Variants in NAV1 observed in about 807,000 individuals in gnomAD.
The protein encoded by NAV1 is neuron navigator 1.
In NAV1, 18 loss-of-function variants were observed where a neutral mutation model predicts 175.2. That is an observed-to-expected ratio of 0.10 (90% CI 0.07 to 0.15). The LOEUF (loss-of-function observed/expected upper bound fraction) is 0.15, where lower values mean the gene tolerates loss of function less well. NAV1 is among the 10% of genes least tolerant of loss of function. The pLI, the probability that NAV1 is intolerant of heterozygous loss-of-function variation, is 1.00. For missense variants in NAV1, 1,731 were observed against 2,436.6 expected (o/e 0.71, Z 6.10); for synonymous variants, 897 against 978.7 (o/e 0.92, Z 1.56).
At position 201,557,567 on chromosome 1, in the gene NAV1, C is replaced by A. The variant is rs546625343; in HGVS notation, c.-144+18225C>A. Among the ~76,000 whole-genome samples the A allele has an allele frequency of 2.6e-5, 4 of 152,294 alleles. No homozygotes were observed. In the South Asian group the frequency reaches 8.3e-4, roughly 32 times the overall value. On this transcript the variant is annotated intron_variant, in intron 1 of 33. Coordinates refer to the NAV1 transcript ENST00000685211. ...CAGCCTCCCCAAAACACTTAACTAC[C>A]ACCTCCAAATTAGCACCGTCCTTGG...
intron 1 of NAV1, among the ~76,000 whole-genome samples, chr1:201,684,468 A>G (rs922969288): frequency 7.9e-6 from 1 of 126,776 alleles, no homozygotes; most frequent in Admixed American, 9.8e-5. Flanking sequence ...TTCTTCCTTT[A>G]TGCAGCCTTT....
At chr1:201,623,590 G>A (rs1393418422) in exon 1 of NAV1, 10 of 986,610 alleles carry the variant, frequency 1.0e-5, no homozygotes, top group African/African-American at 3.5e-5. Flanking sequence ...AGCCACGGTG[G>A]CCCCCTTCCA....
intron 2 of NAV1, among the ~76,000 whole-genome samples, chr1:201,630,932 C>T (rs561939756): frequency 6.6e-6 from 1 of 152,294 alleles, no homozygotes; most frequent in African/African-American, 2.4e-5. Context: ...GATTATTATC[C>T]GATGAGTTGA....
intron 1 of NAV1, among the ~76,000 whole-genome samples, chr1:201,571,634 C>T (rs936631256): frequency 2.0e-5 from 3 of 152,226 alleles, no homozygotes; most frequent in African/African-American, 7.2e-5. Context: ...AGGGCCCCTT[C>T]AATTATCCAC....
At chr1:201,693,550 T>C (rs115396515) in intron 1 of NAV1, among the ~76,000 whole-genome samples, 33 of 152,294 alleles carry the variant, frequency 2.2e-4, no homozygotes, top group Non-Finnish European at 3.8e-4. Flanking sequence ...AAAGGCAGTA[T>C]GTGATCGTTG....
chr1:201,722,032 G>A (rs1672407636), intron 3 of NAV1, among the ~76,000 whole-genome samples: 1 of 152,118 alleles, frequency 6.6e-6, no homozygotes, highest in South Asian at 2.1e-4. Context: ...TGACTCTGAT[G>A]CTGCTACCAG....
rs1007290645 is a variant in NAV1 at position 201,777,545 on chromosome 1, C to T, written c.1227-2876C>T. The stretch of plus-strand genomic sequence containing the variant: ...TGGCTTCAAGGAGGAGTTTTGCACC[C>T]AGCCTTTTTTTTTTTTAACAAAAGG... On this transcript the variant is annotated intron_variant, in intron 3 of 29. Coordinates refer to ENST00000367296, the Ensembl canonical transcript of NAV1. 2.0e-5 allele frequency among the ~76,000 whole-genome samples: 3 copies of T among 149,648 alleles called. No homozygotes were observed. The Admixed American group carries it at 2.1e-4, about 10-fold the overall frequency.
chr1:201,613,885 GTC>G (rs1667924147), intron 2 of NAV1, among the ~76,000 whole-genome samples: 1 of 152,048 alleles, frequency 6.6e-6, no homozygotes, highest in Non-Finnish European at 1.5e-5. Flanking sequence ...ACTTCACTTA[GTC>G]TTTATAGCAA....
At chr1:201,641,739 TG>T (rs1206028040) in intron 2 of NAV1, among the ~76,000 whole-genome samples, 2 of 152,168 alleles carry the variant, frequency 1.3e-5, no homozygotes, top group African/African-American at 4.8e-5. Context: ...GGGCTAGGCT[TG>T]AAGAGCCATG....
At position 201,788,538 on chromosome 1, in the gene NAV1, C is replaced by T; in HGVS notation, c.3066C>T (p.Phe1022=). The T allele has an allele frequency of 1.9e-6, 3 of 1,614,192 alleles. No individual in the cohort carries two copies. The highest frequency in any genetic ancestry group is 2.5e-6 in the Non-Finnish European group (3 of 1,180,032). Residue 1022 remains phenylalanine (F), a synonymous_variant, in exon 10 of 30, where the codon TTC becomes TTT. Transcript: ENST00000367296. The surrounding 1 kb of genome is among the most constrained non-coding windows in gnomAD (Gnocchi z 5.7). Reference sequence around the variant, plus strand: ...GCATCCCCACCCACGAGGCGGCCTTCGAGCTGTACAGCGGCTCCCAAATGG... The same window carrying T: ...GCATCCCCACCCACGAGGCGGCCTTTGAGCTGTACAGCGGCTCCCAAATGG...
At chr1:201,765,381 C>CTTTTTTTTTTTTTTTTTT (rs59583786) in intron 3 of NAV1, among the ~76,000 whole-genome samples, 6 of 98,616 alleles carry the variant, frequency 6.1e-5, no homozygotes, top group African/African-American at 1.2e-4. Flanking sequence ...AGGAAATATT[C>CTTTTTTTTTTTTTTTTTT]TTTTTTTTTT....
At chr1:201,661,390 T>C (rs1199391626) in intron 1 of NAV1, among the ~76,000 whole-genome samples, 1 of 152,162 alleles carries the variant, frequency 6.6e-6, no homozygotes, top group Non-Finnish European at 1.5e-5. Context: ...TACAGTATCG[T>C]GGCTAGTGCT....
intron 3 of NAV1, among the ~76,000 whole-genome samples, chr1:201,755,277 C>T (rs1452509095): frequency 6.6e-6 from 1 of 152,026 alleles, no homozygotes; most frequent in African/African-American, 2.4e-5. Flanking sequence ...CCCCCCTCTA[C>T]AAAAAATTTA....
intron 3 of NAV1, among the ~76,000 whole-genome samples, chr1:201,777,751 G>A (rs935412450): frequency 7.9e-5 from 12 of 152,066 alleles, no homozygotes; most frequent in African/African-American, 2.9e-4. Context: ...AGGAGTTGGA[G>A]ACCTGCCTGG....
At chr1:201,597,436 G>A (rs1456421645) in intron 2 of NAV1, among the ~76,000 whole-genome samples, 1 of 152,178 alleles carries the variant, frequency 6.6e-6, no homozygotes, top group Non-Finnish European at 1.5e-5. Flanking sequence ...GTCTTCCTGG[G>A]GGCTTCCTGG....
intron 1 of NAV1, among the ~76,000 whole-genome samples, chr1:201,625,155 T>C (rs888628633): frequency 6.6e-6 from 1 of 152,186 alleles, no homozygotes; most frequent in Non-Finnish European, 1.5e-5. Context: ...ACTGACACGT[T>C]GCTGGGGGAT....
chr1:201,656,801 C>T (rs1669423050), intron 1 of NAV1, among the ~76,000 whole-genome samples: 1 of 152,224 alleles, frequency 6.6e-6, no homozygotes, highest in African/African-American at 2.4e-5. Flanking sequence ...AAATATGACC[C>T]TGGTGGAACA....
At chr1:201,769,360 T>C (rs1303602590) in intron 3 of NAV1, among the ~76,000 whole-genome samples, 1 of 152,240 alleles carries the variant, frequency 6.6e-6, no homozygotes, top group Non-Finnish European at 1.5e-5. Flanking sequence ...GTCACTGTTG[T>C]CTATTTCACT....
Position 201,744,349 on chromosome 1 carries a change from C to T in NAV1, c.1226+25594C>T, listed in dbSNP as rs200815364. On this transcript the variant is annotated intron_variant, in intron 3 of 29. Transcript: ENST00000367296. ...TTATTTATTTATTTATTTATTTATT[C>T]ATTCATTCATTCAACAAACTCTAAT... Among the ~76,000 whole-genome samples, 322 of 119,238 alleles carry T rather than the reference C, an allele frequency of 2.7e-3. 2 individuals carry two copies. The highest frequency in any genetic ancestry group is 6.6e-3 in the African/African-American group (240 of 36,238). 78.2% of individuals were successfully genotyped at this position (119,238 alleles called of 152,430 possible).
Sources: gnomAD v4.1 joint callset for allele counts (sites outside exome capture counted in the v4.1 genomes callset) on GRCh38, gnomAD v4.1.1 for gene constraint, Gnocchi (gnomAD v3.1) non-coding constraint, MANE v1.5 for transcripts, NCBI Gene and HGNC (gene_info 2026-07-23, HGNC 2026-07-21) for gene names.